TTLL5: variants seen among roughly 807,000 people sequenced by gnomAD.
TTLL5 encodes tubulin polyglutamylase TTLL5.
A neutral mutation model predicts 168.4 loss-of-function variants in TTLL5; 132 were observed. The observed-to-expected ratio is 0.78, with a 90% CI of 0.68 to 0.91. The LOEUF (loss-of-function observed/expected upper bound fraction) is 0.91, where lower values mean the gene tolerates loss of function less well. Among genes scored for constraint, TTLL5 ranks in the 40% least tolerant of loss-of-function variants. The probability of loss-of-function intolerance (pLI) is 0.00; values close to 1 mark genes in which losing one functional copy is unlikely to be tolerated. For synonymous variants in TTLL5, 546 were observed against 558.6 expected, an observed-to-expected ratio of 0.98 and a Z score of 0.32; for missense variants, 1,545 against 1,581.5, an observed-to-expected ratio of 0.98 and a Z score of 0.39.
intron 31 of TTLL5, among the ~76,000 whole-genome samples, chr14:75,929,099 A>G (rs375807641): frequency 1.3e-3 from 188 of 141,608 alleles, no homozygotes; most frequent in African/African-American, 4.6e-3. Context: ...TCTGAGTCTT[A>G]GAAGTCAGAA....
At chr14:75,722,941 T>C (rs998994237) in intron 12 of TTLL5, among the ~76,000 whole-genome samples, 11 of 152,196 alleles carry the variant, frequency 7.2e-5, no homozygotes, top group African/African-American at 2.2e-4. Flanking sequence ...GATGTTTTTT[T>C]CTAATGCTCC....
At chr14:75,738,765 T>A (rs896126072) in intron 15 of TTLL5, among the ~76,000 whole-genome samples, 10 of 152,150 alleles carry the variant, frequency 6.6e-5, no homozygotes, top group African/African-American at 2.4e-4. Flanking sequence ...CCTGTGGCAT[T>A]TGACTGTAAA....
At chr14:75,786,642 G>A (rs779813531) in intron 26 of TTLL5, among the ~76,000 whole-genome samples, 10 of 152,102 alleles carry the variant, frequency 6.6e-5, no homozygotes, top group Non-Finnish European at 1.3e-4. Context: ...TTTTGGAATA[G>A]GAGTAAGATT....
intron 24 of TTLL5, among the ~76,000 whole-genome samples, chr14:75,781,015 A>G (rs1264933524): frequency 6.6e-6 from 1 of 152,208 alleles, no homozygotes; most frequent in African/African-American, 2.4e-5. Context: ...GAAAGCTGGC[A>G]GAAGCTCTGA....
chr14:75,669,979 T>C (rs1883602118), intron 3 of TTLL5, among the ~76,000 whole-genome samples: 1 of 152,218 alleles, frequency 6.6e-6, no homozygotes, highest in Non-Finnish European at 1.5e-5. Context: ...TCCCATATTC[T>C]GGATGTTTTA....
intron 25 of TTLL5, 146 bp downstream of exon 25, chr14:75,782,719 C>G (rs1008538650): frequency 3.9e-6 from 3 of 761,212 alleles, no homozygotes; most frequent in East Asian, 5.8e-5. Context: ...TTAGAATTTT[C>G]TCTTATCTAT....
chr14:75,837,834 T>C (rs1895954609), intron 28 of TTLL5, among the ~76,000 whole-genome samples: 1 of 152,148 alleles, frequency 6.6e-6, no homozygotes, highest in Non-Finnish European at 1.5e-5. Flanking sequence ...TATGTGTATA[T>C]CTAGATATAT....
At chr14:75,783,584 T>A (rs1180116451) in intron 26 of TTLL5, 54 bp downstream of exon 26, 48 of 1,569,318 alleles carry the variant, frequency 3.1e-5, no homozygotes, top group African/African-American at 4.1e-5. Context: ...CCAGCCCCAA[T>A]AAAGAAAGGA....
intron 28 of TTLL5, among the ~76,000 whole-genome samples, chr14:75,862,496 G>A (rs893129881): frequency 2.0e-5 from 3 of 152,112 alleles, no homozygotes; most frequent in South Asian, 4.1e-4. Context: ...CCTTGTTATC[G>A]TCAGGTATTT....
At position 75,681,612 on chromosome 14, in the gene TTLL5, C is replaced by G; in HGVS notation, c.249C>G (p.Ala83=). Reference sequence around the variant, plus strand: ...GCCTAGTACGCAGCATTCTGACAGCCCATGGATTTCATGAAGTAAGTTTAT... The same window carrying G: ...GCCTAGTACGCAGCATTCTGACAGCGCATGGATTTCATGAAGTAAGTTTAT... ...DSRLVRSILT[A]HGFHEVHPSS... Residue 83 remains alanine, a synonymous_variant, in exon 4 of 32, where the codon GCC becomes GCG. Coordinates refer to ENST00000298832, the MANE Select transcript of TTLL5 (RefSeq NM_015072.5). 6.2e-7 allele frequency: 1 copy of G among 1,613,194 alleles called. No individual in the cohort carries two copies. Among genetic ancestry groups the G allele is most frequent in the Non-Finnish European group, 8.5e-7 (1 of 1,179,808 alleles).
chr14:75,923,145 T>C (rs942130930), intron 31 of TTLL5, among the ~76,000 whole-genome samples: 7 of 152,194 alleles, frequency 4.6e-5, no homozygotes, highest in Admixed American at 2.6e-4. Context: ...TTGTTGATCT[T>C]CTCAAAAAAC....
rs543511431 is a variant in TTLL5 at position 75,784,680 on chromosome 14, G to A, written c.2986+1150G>A. Among the ~76,000 whole-genome samples, 4 of 152,278 alleles carry A rather than the reference G, an allele frequency of 2.6e-5. No individual in the cohort carries two copies. In the South Asian group the frequency reaches 6.2e-4, roughly 24 times the overall value. On this transcript the variant is annotated intron_variant, in intron 26 of 31. Coordinates refer to ENST00000298832, the MANE Select transcript of TTLL5 (RefSeq NM_015072.5). ...AGGAACTTCTAAACTGTTTTCCAAA[G>A]TCGCTGTGCCCTTTTACTAACAGCA...
At chr14:75,769,344 A>G (rs116982718) in intron 20 of TTLL5, among the ~76,000 whole-genome samples, 1,752 of 152,302 alleles carry the variant, frequency 0.012, 21 homozygotes, top group Middle Eastern at 0.027. Context: ...TCATTGTTGC[A>G]TATCTTATAT....
intron 31 of TTLL5, among the ~76,000 whole-genome samples, chr14:75,904,823 G>A (rs1046168656): frequency 6.6e-6 from 1 of 152,044 alleles, no homozygotes; most frequent in South Asian, 2.1e-4. Context: ...GATTTTTCTG[G>A]TGTTCCTGAT....
chr14:75,826,296 T>TACACACACACACACACACACAC (rs57519882), intron 28 of TTLL5, among the ~76,000 whole-genome samples: 15 of 139,352 alleles, frequency 1.1e-4, no homozygotes, highest in African/African-American at 2.7e-4. Context: ...AGGATACGCG[T>TACACACACACACACACACACAC]ACACACACAC....
intron 31 of TTLL5, among the ~76,000 whole-genome samples, chr14:75,938,319 C>T (rs1330019537): frequency 6.6e-6 from 1 of 152,096 alleles, no homozygotes; most frequent in Non-Finnish European, 1.5e-5. Context: ...ATGCATTCTC[C>T]AAGGAAACGA....
At chr14:75,913,779 C>T (rs887293398) in intron 31 of TTLL5, among the ~76,000 whole-genome samples, 51 of 151,382 alleles carry the variant, frequency 3.4e-4, no homozygotes, top group African/African-American at 1.0e-3. Context: ...TTTGGGAGGC[C>T]GAGGTGGGCA....
chr14:75,694,327 A>G (rs570335124), intron 6 of TTLL5, among the ~76,000 whole-genome samples: 21 of 152,170 alleles, frequency 1.4e-4, no homozygotes, highest in Non-Finnish European at 2.6e-4. Flanking sequence ...ATAGTGAAGC[A>G]CCAGAAGAAG....
chr14:75,948,989 A>G (rs1489260894), intron 31 of TTLL5, among the ~76,000 whole-genome samples: 1 of 152,208 alleles, frequency 6.6e-6, no homozygotes, highest in African/African-American at 2.4e-5. Context: ...TTTACTGGTG[A>G]GTCCTACCAA....
Sources: allele counts gnomAD v4.1 joint callset (sites outside exome capture counted in the v4.1 genomes callset), GRCh38; gene constraint gnomAD v4.1.1; transcripts MANE v1.5; gene names NCBI Gene and HGNC (gene_info 2026-07-23, HGNC 2026-07-21).